Variants in EML6 observed in about 807,000 individuals in gnomAD.
EML6 encodes EMAP like 6.
Under a neutral mutation model 240.1 loss-of-function variants are expected in EML6, and 154 were observed. The ratio of observed to expected loss-of-function variants is 0.64; its 90% CI spans 0.56 to 0.73. The LOEUF (loss-of-function observed/expected upper bound fraction) is 0.73, where lower values mean the gene tolerates loss of function less well. Ranked by LOEUF, EML6 falls within the 30% of genes least tolerant of loss-of-function variation. The probability of loss-of-function intolerance (pLI) is 0.00; values close to 1 mark genes in which losing one functional copy is unlikely to be tolerated. For synonymous variants in EML6, 1,148 were observed against 899.0 expected (o/e 1.28, Z -4.95); for missense variants, 2,964 against 2,474.6 (o/e 1.20, Z -4.20).
chr2:54,968,428 T>C, intron 40 of EML6, 147 bp downstream of exon 40: 1 of 836,708 alleles, frequency 1.2e-6, no homozygotes, highest in Non-Finnish European at 1.9e-6. Flanking sequence ...TTTCACCTCC[T>C]GGAGGGGCAG....
intron 7 of EML6, among the ~76,000 whole-genome samples, chr2:54,839,621 G>T (rs369215090): frequency 2.6e-5 from 4 of 152,216 alleles, no homozygotes; most frequent in African/African-American, 9.7e-5. Context: ...CCGCCTTTAC[G>T]TTGGTTAGTT....
intron 2 of EML6, among the ~76,000 whole-genome samples, chr2:54,744,301 C>T (rs1683796865): frequency 6.6e-6 from 1 of 151,968 alleles, no homozygotes; most frequent in Non-Finnish European, 1.5e-5. Flanking sequence ...GGCTGAGTGC[C>T]TAAGGGGCCA....
At chr2:54,799,792 G>C (rs1481904727) in intron 2 of EML6, among the ~76,000 whole-genome samples, 3 of 152,188 alleles carry the variant, frequency 2.0e-5, no homozygotes, top group Non-Finnish European at 4.4e-5. Context: ...AGATTGGAGA[G>C]GTAAAATTAG....
At chr2:54,809,265 G>A (rs1484857218) in intron 2 of EML6, among the ~76,000 whole-genome samples, 1 of 152,196 alleles carries the variant, frequency 6.6e-6, no homozygotes, top group Non-Finnish European at 1.5e-5. Flanking sequence ...TTAAAATAGA[G>A]ATAAGTAGTG....
At chr2:54,953,147 T>A (rs1308288880) in intron 31 of EML6, among the ~76,000 whole-genome samples, 2 of 152,206 alleles carry the variant, frequency 1.3e-5, no homozygotes, top group Non-Finnish European at 2.9e-5. Context: ...TACAACTTCC[T>A]GCTTGTTTTC....
chr2:54,755,687 G>A (rs1684369024), intron 2 of EML6, among the ~76,000 whole-genome samples: 1 of 151,960 alleles, frequency 6.6e-6, no homozygotes, highest in Non-Finnish European at 1.5e-5. Context: ...TCGAGACAGG[G>A]TTTGGCTCTG....
chr2:54,964,307 T>A, intron 37 of EML6, 149 bp downstream of exon 37: 1 of 805,788 alleles, frequency 1.2e-6, no homozygotes, highest in Non-Finnish European at 1.9e-6. Flanking sequence ...CTTCTCCCAC[T>A]CTCACTCTTA....
chr2:54,960,319 C>T lies in EML6; in HGVS notation c.4953C>T (p.Ser1651=), dbSNP rs775267417. 12 of 1,550,202 alleles carry T rather than the reference C, an allele frequency of 7.7e-6. No homozygotes were observed. Among genetic ancestry groups the T allele is most frequent in the African/African-American group, 2.7e-5 (2 of 73,030 alleles). ...GGCAGCTGGTGGAGTGTGTGCGCTCCGTGTGCCGTGGAAAAGTGAGCACAG... is the reference window on the plus strand; with the variant it reads ...GGCAGCTGGTGGAGTGTGTGCGCTCTGTGTGCCGTGGAAAAGTGAGCACAG... ...ETGQLVECVR[S]VCRGKGKILV... Residue 1651 remains serine, a synonymous_variant, in exon 35 of 42, where the codon TCC becomes TCT. Coordinates refer to ENST00000356458, the MANE Select transcript of EML6 (RefSeq NM_001039753.4).
chr2:54,786,706 T>G (rs528228524), intron 2 of EML6, among the ~76,000 whole-genome samples: 1 of 152,268 alleles, frequency 6.6e-6, no homozygotes, highest in African/African-American at 2.4e-5. Context: ...GAGCAAACAA[T>G]TAGAATAATT....
intron 21 of EML6, among the ~76,000 whole-genome samples, chr2:54,899,114 C>A (rs1372090107): frequency 6.6e-6 from 1 of 152,184 alleles, no homozygotes; most frequent in Non-Finnish European, 1.5e-5. Flanking sequence ...TCCTTTACTT[C>A]TGCTCTGCCG....
At chr2:54,916,960 T>TTAATA in intron 26 of EML6, 25 bp downstream of exon 26, 1 of 1,503,126 alleles carries the variant, frequency 6.7e-7, no homozygotes, top group Non-Finnish European at 9.0e-7. Flanking sequence ...TTATTATCTT[T>TTAATA]ACTTGCTCAG....
At chr2:54,727,033 T>C (rs1316241116) in intron 2 of EML6, among the ~76,000 whole-genome samples, 1 of 151,954 alleles carries the variant, frequency 6.6e-6, no homozygotes, top group African/African-American at 2.4e-5. Context: ...AAGGGTGGAG[T>C]TGCAGTAAAC....
At chr2:54,924,771 C>CA (rs1393046661) in intron 26 of EML6, among the ~76,000 whole-genome samples, 1 of 152,122 alleles carries the variant, frequency 6.6e-6, no homozygotes, top group Non-Finnish European at 1.5e-5. Context: ...CCGTGTTGGC[C>CA]AGACTGGTCT....
intron 2 of EML6, among the ~76,000 whole-genome samples, chr2:54,779,287 C>T (rs66465217): frequency 0.2 from 31,027 of 151,966 alleles, 3,545 homozygotes; most frequent in Middle Eastern, 0.32. Context: ...GCCTATAATC[C>T]CAGCACTTTG....
At chr2:54,943,000 C>A (rs563458457) in intron 28 of EML6, among the ~76,000 whole-genome samples, 1 of 152,168 alleles carries the variant, frequency 6.6e-6, no homozygotes, top group Non-Finnish European at 1.5e-5. Context: ...GGAAGTCCCA[C>A]GTTGGCACAG....
intron 17 of EML6, among the ~76,000 whole-genome samples, chr2:54,885,643 G>T (rs542990143): frequency 1.3e-5 from 2 of 151,858 alleles, no homozygotes; most frequent in East Asian, 3.9e-4. Context: ...ATGGAGTCTT[G>T]CTCTTTCTCC....
At chr2:54,797,168 A>AAAAACAAAAAAAAAAAAAAAC (rs1669840097) in intron 2 of EML6, among the ~76,000 whole-genome samples, 1 of 125,908 alleles carries the variant, frequency 7.9e-6, no homozygotes, top group Non-Finnish European at 1.8e-5. Flanking sequence ...CCATCTCAAA[A>AAAAACAAAAAAAAAAAAAAAC]AAAAAAAAAA....
intron 32 of EML6, among the ~76,000 whole-genome samples, chr2:54,954,574 A>T (rs1473815984): frequency 6.6e-6 from 1 of 152,138 alleles, no homozygotes; most frequent in Non-Finnish European, 1.5e-5. Flanking sequence ...AAATGGGATC[A>T]TGTTTTATCA....
At chr2:54,853,547 A>G in intron 10 of EML6, 96 bp from the exon 11 acceptor site, 2 of 826,444 alleles carry the variant, frequency 2.4e-6, no homozygotes, top group Non-Finnish European at 3.5e-6. Flanking sequence ...AGTTTTCTGT[A>G]TTTACAAAAG....
Sources: gnomAD v4.1 joint callset for allele counts (sites outside exome capture counted in the v4.1 genomes callset) on GRCh38, gnomAD v4.1.1 for gene constraint, MANE v1.5 for transcripts, NCBI Gene and HGNC (gene_info 2026-07-23, HGNC 2026-07-21) for gene names.